The following HIP1R variants were observed in gnomAD, a reference collection of about 807,000 sequenced individuals.
HIP1R encodes the protein huntingtin interacting protein 1 related, also known as huntingtin-interacting protein 1-related protein.
Under a neutral mutation model 144.2 loss-of-function variants are expected in HIP1R, and 135 were observed. The ratio of observed to expected loss-of-function variants is 0.94; its 90% CI spans 0.81 to 1.08. The LOEUF is 1.08. Among genes scored for constraint, HIP1R ranks in the 50% least tolerant of loss-of-function variants. HIP1R has a pLI of 0.00. For missense variants in HIP1R, 1,462 were observed against 1,432.8 expected, an observed-to-expected ratio of 1.02 and a Z score of -0.33; for synonymous variants, 698 against 612.8, an observed-to-expected ratio of 1.14 and a Z score of -2.05.
rs891066048 is a variant in HIP1R at position 122,836,130 on chromosome 12, C to A, written c.93+487C>A. ...CGGCTCCTGCCCCCGTCTCCTACCC[C>A]CTGAAACCGATGCCCCCACGGGCAA... On this transcript the variant is annotated intron_variant, in intron 1 of 31. Coordinates refer to ENST00000253083, the MANE Select transcript of HIP1R (RefSeq NM_003959.3). The surrounding 1 kb of genome is among the most constrained non-coding windows in gnomAD (Gnocchi z 4.1). 6.6e-6 allele frequency among the ~76,000 whole-genome samples: 1 copy of A among 152,100 alleles called. No individual in the cohort carries two copies. Among genetic ancestry groups the A allele is most frequent in the Non-Finnish European group, 1.5e-5 (1 of 67,996 alleles).
chr12:122,835,746 G>C, intron 1 of HIP1R, 103 bp downstream of exon 1: 1 of 716,390 alleles, frequency 1.4e-6, no homozygotes, highest in Non-Finnish European at 1.7e-6. Flanking sequence ...GGAGGCGCCG[G>C]CCAGGGGCGG....
Position 122,859,122 on chromosome 12 carries a change from G to C in HIP1R, c.2220G>C (p.Gln740His). The change falls in exon 22 of 32, where the codon CAG becomes CAC. Residue 740 changes from glutamine (Q) to histidine (H), a missense_variant. Gln to His is a conservative substitution (Grantham distance 24, BLOSUM62 0). Transcript: ENST00000253083. ...ARALELMGQL[Q>H]DQQALRHMQA... ...CTCTGGAGCTCATGGGGCAGCTGCA[G>C]GACCAGCAGGCTCTGCGGCACATGC... is the stretch of plus-strand genomic sequence containing the variant. 1 of 1,595,748 alleles carries C rather than the reference G, an allele frequency of 6.3e-7. No individual in the cohort carries two copies. Among genetic ancestry groups the C allele is most frequent in the Non-Finnish European group, 8.5e-7 (1 of 1,171,976 alleles).
intron 18 of HIP1R, chr12:122,857,622 G>C: frequency 2.9e-6 from 1 of 348,952 alleles, no homozygotes; most frequent in Non-Finnish European, 5.4e-6. Flanking sequence ...AGAACTGCTG[G>C]GTCTCACCTC....
At chr12:122,851,181 G>A (rs1456376328) in intron 6 of HIP1R, 55 bp from the exon 7 acceptor site, 21 of 1,418,286 alleles carry the variant, frequency 1.5e-5, no homozygotes, top group African/African-American at 7.4e-5. Flanking sequence ...GTCTCAGGAC[G>A]AGTGGGTGGG....
chr12:122,842,752 G>C (rs2033093499), intron 1 of HIP1R, among the ~76,000 whole-genome samples: 1 of 152,220 alleles, frequency 6.6e-6, no homozygotes, highest in South Asian at 2.1e-4. Flanking sequence ...GCAGCCTCTC[G>C]GGAGCGTCCC....
rs2033257721 is a variant in HIP1R at position 122,847,929 on chromosome 12, C to A, written c.94-102C>A. On this transcript the variant is annotated intron_variant, in intron 1 of 31. Coordinates refer to ENST00000253083, the MANE Select transcript of HIP1R (RefSeq NM_003959.3). ...CCCCCATCGCTCCACTGGCCTTGAA[C>A]CCAGGCAGAATCCTGTTCAGTATTG... is the stretch of plus-strand genomic sequence containing the variant. 3.5e-5 allele frequency: 39 copies of A among 1,114,450 alleles called. No individual in the cohort carries two copies. The South Asian group carries it at 4.5e-4, about 13-fold the overall frequency. 69.0% of individuals were successfully genotyped at this position (1,114,450 alleles called of 1,614,324 possible). A position where few individuals can be genotyped will look rare whatever the true frequency, so the allele number is the denominator to read the frequency against.
At chr12:122,852,888 A>G (rs957187672) in intron 7 of HIP1R, among the ~76,000 whole-genome samples, 3 of 152,218 alleles carry the variant, frequency 2.0e-5, no homozygotes, top group Non-Finnish European at 2.9e-5. Flanking sequence ...CAAGGAAAAC[A>G]TACTTAGCAT....
chr12:122,835,217 G>T (rs2032836770), upstream of HIP1R, among the ~76,000 whole-genome samples: 2 of 106,958 alleles, frequency 1.9e-5, no homozygotes, highest in African/African-American at 3.7e-5. Flanking sequence ...GGGGCGGGGC[G>T]TGTGCCGGGG....
At chr12:122,842,063 C>T (rs2033074165) in intron 1 of HIP1R, among the ~76,000 whole-genome samples, 1 of 152,196 alleles carries the variant, frequency 6.6e-6, no homozygotes, top group South Asian at 2.1e-4. Context: ...GTGGCCATAT[C>T]CCGGCCTCCT....
rs1184725666 is a variant in HIP1R, at chr12:122,861,725, T to C, written c.3179T>C (p.Ile1060Thr). 1 of 1,613,986 alleles carries C rather than the reference T, an allele frequency of 6.2e-7. No homozygotes were observed. Among genetic ancestry groups the C allele is most frequent in the African/African-American group, 1.3e-5 (1 of 74,944 alleles). The change falls in exon 32 of 32, where the codon ATC (isoleucine) becomes ACC (threonine). Residue 1060 changes from isoleucine to threonine, a missense_variant. Around this residue, in one of 2 missense-constraint regions of HIP1R, gnomAD observed 1,112 missense variants for 1,011.7 expected, o/e 1.10. Coordinates refer to ENST00000253083, the MANE Select transcript of HIP1R (RefSeq NM_003959.3). ...CTGCAGCTTGACAAAAAGGATGGCA[T>C]CTACCCAGCTCAACTCGTGAACTAC... The part of the protein sequence containing the change: ...QDHQLDKKDG[I>T]YPAQLVNY
At chr12:122,858,064 GA>G in intron 18 of HIP1R, 37 bp from the exon 19 acceptor site, 1 of 1,465,472 alleles carries the variant, frequency 6.8e-7, no homozygotes. Context: ...TGGCCTTGGG[GA>G]GGATCTCTAA....
chr12:122,843,767 C>A (rs935337418), intron 1 of HIP1R, among the ~76,000 whole-genome samples: 7 of 152,242 alleles, frequency 4.6e-5, no homozygotes, highest in Non-Finnish European at 8.8e-5. Flanking sequence ...GCTGACCTCA[C>A]TCTGCTTCTG....
At chr12:122,846,279 T>C (rs2135642441) in intron 1 of HIP1R, among the ~76,000 whole-genome samples, 1 of 152,340 alleles carries the variant, frequency 6.6e-6, no homozygotes, top group South Asian at 2.1e-4. Context: ...GACCTGGCTT[T>C]GAACACTGCC....
intron 7 of HIP1R, among the ~76,000 whole-genome samples, chr12:122,852,168 G>A (rs1212856420): frequency 6.6e-6 from 1 of 152,234 alleles, no homozygotes; most frequent in African/African-American, 2.4e-5. Context: ...AGGGAAAATT[G>A]GGAGTTAGAG....
chr12:122,848,445 C>T lies in HIP1R; in HGVS notation c.158-21C>T, dbSNP rs147440821. 466 of 1,600,580 alleles carry T rather than the reference C, an allele frequency of 2.9e-4. 7 individuals are homozygous for T. The East Asian group carries it at 3.6e-3, about 13-fold the overall frequency. ...CCCCGTGCTCCAGTCTCTGCTTCCA[C>T]ACTTGGCCTTGACATTGCAGGCATC... is the stretch of plus-strand genomic sequence containing the variant. On this transcript the variant is annotated intron_variant, in intron 2 of 31. Coordinates refer to ENST00000253083, the MANE Select transcript of HIP1R (RefSeq NM_003959.3).
upstream of HIP1R, chr12:122,834,977 C>T: frequency 5.4e-6 from 7 of 1,289,024 alleles, no homozygotes; most frequent in Non-Finnish European, 7.1e-6. Flanking sequence ...TCCAATTAAC[C>T]AGATCTTGCC....
At chr12:122,841,044 C>T (rs2033043018) in intron 1 of HIP1R, among the ~76,000 whole-genome samples, 1 of 152,218 alleles carries the variant, frequency 6.6e-6, no homozygotes, top group Non-Finnish European at 1.5e-5. Flanking sequence ...GAGTGGAGTC[C>T]AGGCCTGCTT....
chr12:122,858,149 C>G lies in HIP1R; in HGVS notation c.1863C>G (p.Phe621Leu), dbSNP rs776720047. Residue 621 changes from phenylalanine (F) to leucine (L), a missense_variant, in exon 19 of 32, where the codon TTC (phenylalanine) becomes TTG (leucine). By Grantham distance (22) the Phe-to-Leu change is conservative (BLOSUM62 0). Coordinates refer to ENST00000253083, the MANE Select transcript of HIP1R (RefSeq NM_003959.3). ...GLRQRLLDEQ[F>L]AVLRGAAAEA... ...GGCAGAGGCTGCTGGACGAGCAGTT[C>G]GCAGTGTTGCGGGGCGCTGCTGCCG... 2 of 1,604,060 alleles carry G rather than the reference C, an allele frequency of 1.2e-6. No homozygotes were observed. The highest frequency in any genetic ancestry group is 1.1e-5 in the South Asian group (1 of 90,824).
intron 4 of HIP1R, 117 bp downstream of exon 4, chr12:122,848,969 G>A (rs922516590): frequency 1.7e-5 from 17 of 1,029,120 alleles, no homozygotes; most frequent in Non-Finnish European, 2.5e-5. Context: ...TTTTCCCAGG[G>A]GCGACAGTGG....
Sources: allele counts gnomAD v4.1 joint callset (sites outside exome capture counted in the v4.1 genomes callset), GRCh38; gene constraint gnomAD v4.1.1; regional missense constraint gnomAD v4.1.1; non-coding constraint Gnocchi (gnomAD v3.1); transcripts MANE v1.5; gene names NCBI Gene and HGNC (gene_info 2026-07-23, HGNC 2026-07-21).